Variants in MLLT10 observed in about 807,000 individuals in gnomAD.
The protein encoded by MLLT10 is MLLT10 histone lysine methyltransferase DOT1L cofactor.
In MLLT10, 30 loss-of-function variants were observed where a neutral mutation model predicts 129.1. That is an observed-to-expected ratio of 0.23 (90% confidence interval 0.17 to 0.32). The LOEUF is 0.32. Ranked by LOEUF, MLLT10 falls within the 10% of genes least tolerant of loss-of-function variation. The pLI is 1.00. For synonymous variants in MLLT10, 490 were observed against 446.4 expected (o/e 1.10, Z -1.23); for missense variants, 1,119 against 1,268.3 (o/e 0.88, Z 1.79).
intron 2 of MLLT10, among the ~76,000 whole-genome samples, chr10:21,536,438 A>G (rs1375282482): frequency 6.6e-6 from 1 of 152,370 alleles, no homozygotes; most frequent in East Asian, 1.9e-4. Context: ...ATGTCCCAAT[A>G]TAGAAAATTT....
intron 3 of MLLT10, among the ~76,000 whole-genome samples, chr10:21,552,791 T>C (rs763356911): frequency 1.3e-5 from 2 of 152,146 alleles, no homozygotes; most frequent in Non-Finnish European, 2.9e-5. Context: ...TCTGTTTATT[T>C]TCTTCTTCCT....
intron 4 of MLLT10, among the ~76,000 whole-genome samples, chr10:21,592,690 G>C (rs931853878): frequency 1.3e-5 from 2 of 151,730 alleles, no homozygotes; most frequent in African/African-American, 4.8e-5. Context: ...TCTCCTGACC[G>C]CCTGATCTCT....
At chr10:21,684,301 C>G (rs924158591) in intron 13 of MLLT10, among the ~76,000 whole-genome samples, 1 of 152,200 alleles carries the variant, frequency 6.6e-6, no homozygotes, top group African/African-American at 2.4e-5. Context: ...TGCATACCTA[C>G]AGCTTCAAGT....
At chr10:21,565,179 A>T (rs2039393544) in intron 3 of MLLT10, among the ~76,000 whole-genome samples, 1 of 152,008 alleles carries the variant, frequency 6.6e-6, no homozygotes, top group South Asian at 2.1e-4. Flanking sequence ...TTCTGATGTT[A>T]ATATAGTCAC....
intron 3 of MLLT10, among the ~76,000 whole-genome samples, chr10:21,545,877 G>T (rs2035986839): frequency 6.6e-6 from 1 of 152,058 alleles, no homozygotes; most frequent in African/African-American, 2.4e-5. Flanking sequence ...ATGTTGCCCA[G>T]GCTGGTCTCG....
intron 4 of MLLT10, among the ~76,000 whole-genome samples, chr10:21,594,865 A>T (rs888255214): frequency 2.0e-4 from 30 of 152,284 alleles, no homozygotes; most frequent in African/African-American, 7.0e-4. Context: ...ATGAAATTTA[A>T]CACATTTCAA....
chr10:21,656,394 G>A (rs971303169), intron 9 of MLLT10, among the ~76,000 whole-genome samples: 3 of 151,828 alleles, frequency 2.0e-5, no homozygotes, highest in Non-Finnish European at 4.4e-5. Flanking sequence ...TAGACTCCAT[G>A]GTTGATGATG....
intron 14 of MLLT10, among the ~76,000 whole-genome samples, chr10:21,720,522 G>T (rs943547794): frequency 1.3e-5 from 2 of 152,048 alleles, no homozygotes; most frequent in Non-Finnish European, 2.9e-5. Flanking sequence ...TGTTTTTGCT[G>T]GAAACTTTTC....
intron 3 of MLLT10, among the ~76,000 whole-genome samples, chr10:21,549,799 T>A (rs1468216278): frequency 6.6e-6 from 1 of 151,938 alleles, no homozygotes; most frequent in Non-Finnish European, 1.5e-5. Flanking sequence ...CCACTATGCC[T>A]GGCTAATTTT....
intron 9 of MLLT10, among the ~76,000 whole-genome samples, chr10:21,659,726 G>C (rs914816186): frequency 1.3e-5 from 2 of 152,008 alleles, no homozygotes; most frequent in African/African-American, 4.8e-5. Context: ...GGCCAGGCTG[G>C]TCTCAAACTC....
intron 3 of MLLT10, among the ~76,000 whole-genome samples, chr10:21,551,031 A>T (rs1009442967): frequency 3.5e-4 from 53 of 150,030 alleles, no homozygotes; most frequent in African/African-American, 1.3e-3. Flanking sequence ...TGTTCAGGTG[A>T]TTCTCCTGCC....
chr10:21,624,793 CCT>C (rs961978173), intron 8 of MLLT10: 22 of 1,071,314 alleles, frequency 2.1e-5, no homozygotes, highest in Admixed American at 1.2e-4. Flanking sequence ...TACATTGTCC[CCT>C]GATTGCCCTG....
intron 8 of MLLT10, among the ~76,000 whole-genome samples, chr10:21,640,902 A>T (rs114847902): frequency 0.028 from 4,305 of 152,314 alleles, 202 homozygotes; most frequent in African/African-American, 0.097. Context: ...CCAAGTTGTG[A>T]ATCAGGGGCT....
intron 8 of MLLT10, among the ~76,000 whole-genome samples, chr10:21,630,934 C>T (rs549561002): frequency 2.0e-5 from 3 of 152,092 alleles, no homozygotes; most frequent in Non-Finnish European, 4.4e-5. Context: ...GCTAGCACAC[C>T]CACCCACTCT....
intron 3 of MLLT10, among the ~76,000 whole-genome samples, chr10:21,544,920 C>T (rs1360261326): frequency 5.9e-5 from 9 of 152,116 alleles, no homozygotes; most frequent in African/African-American, 1.7e-4. Context: ...CCGAGGCGGG[C>T]GGATCACCTG....
chr10:21,548,439 G>A (rs1160234338), intron 3 of MLLT10, among the ~76,000 whole-genome samples: 2 of 149,238 alleles, frequency 1.3e-5, no homozygotes, highest in Non-Finnish European at 3.0e-5. Flanking sequence ...TTGCGATCTC[G>A]GCTCACTGCA....
At chr10:21,592,601 C>T (rs1279735626) in intron 4 of MLLT10, among the ~76,000 whole-genome samples, 1 of 152,098 alleles carries the variant, frequency 6.6e-6, no homozygotes, top group Non-Finnish European at 1.5e-5. Flanking sequence ...GGACTACAGG[C>T]GCCTGCCACC....
intron 13 of MLLT10, among the ~76,000 whole-genome samples, chr10:21,695,495 GTTC>G (rs1279681274): frequency 2.6e-5 from 4 of 152,170 alleles, no homozygotes; most frequent in Non-Finnish European, 4.4e-5. Context: ...GATACTCTGT[GTTC>G]TTCTTTTTTA....
chr10:21,552,860 C>T (rs991168760), intron 3 of MLLT10, among the ~76,000 whole-genome samples: 9 of 151,900 alleles, frequency 5.9e-5, no homozygotes, highest in African/African-American at 1.9e-4. Flanking sequence ...TTCCTCCTTG[C>T]GCCTTCCTCC....
Sources: allele counts gnomAD v4.1 joint callset (sites outside exome capture counted in the v4.1 genomes callset), GRCh38; gene constraint gnomAD v4.1.1; transcripts MANE v1.5; gene names NCBI Gene and HGNC (gene_info 2026-07-23, HGNC 2026-07-21).